The following ADGRE2 variants were observed in gnomAD, a reference collection of about 807,000 sequenced individuals.
ADGRE2 encodes adhesion G protein-coupled receptor E2.
In ADGRE2, 83 loss-of-function variants were observed where a neutral mutation model predicts 100.8. That is an observed-to-expected ratio of 0.82 (90% CI 0.69 to 0.99). The LOEUF (loss-of-function observed/expected upper bound fraction) is 0.99, where lower values mean the gene tolerates loss of function less well. Ranked by LOEUF, ADGRE2 falls within the 50% of genes least tolerant of loss-of-function variation. The pLI, the probability that ADGRE2 is intolerant of heterozygous loss-of-function variation, is 0.00. For synonymous variants in ADGRE2, 355 were observed against 413.0 expected, an observed-to-expected ratio of 0.86 and a Z score of 1.70; for missense variants, 814 against 1,035.7, an observed-to-expected ratio of 0.79 and a Z score of 2.94.
chr19:14,738,767 G>C (rs760131092), intron 20 of ADGRE2, among the ~76,000 whole-genome samples: 1 of 151,998 alleles, frequency 6.6e-6, no homozygotes, highest in African/African-American at 2.4e-5. Context: ...TCTATGGTTC[G>C]AGATGGTCAG....
intron 14 of ADGRE2, 55 bp downstream of exon 14, chr19:14,754,899 G>A: frequency 6.3e-7 from 1 of 1,579,062 alleles, no homozygotes; most frequent in Non-Finnish European, 8.7e-7. Flanking sequence ...CTACGTCTCT[G>A]GGGATTTGTT....
At chr19:14,736,719 TATATAGATATTTAGAA>T (rs1464516204) in intron 20 of ADGRE2, among the ~76,000 whole-genome samples, 29 of 142,704 alleles carry the variant, frequency 2.0e-4, no homozygotes, top group African/African-American at 5.7e-4. Flanking sequence ...TATTTAGAAA[TATATAGATATTTAGAA>T]ATATAGATAT....
intron 20 of ADGRE2, 124 bp downstream of exon 20, chr19:14,743,296 C>T (rs897064648): frequency 3.2e-5 from 24 of 758,758 alleles, no homozygotes; most frequent in Non-Finnish European, 5.4e-5. Flanking sequence ...TGAGTCAAGG[C>T]GTACTCAGAT....
In ADGRE2 at chr19:14,755,015, G is replaced by A. The variant is rs1195912695; in HGVS notation, c.1529C>T (p.Thr510Ile). ...CSTIGTRDTS[T>I]ICRCTHLSSF... Reference sequence around the variant, plus strand: ...GCTCAGGTGGGTGCAACGGCAGATGGTGCTGGTGTCTCTGGTGCCTATTGT... The same window carrying A: ...GCTCAGGTGGGTGCAACGGCAGATGATGCTGGTGTCTCTGGTGCCTATTGT... The change falls in exon 14 of 21, where the codon ACC becomes ATC. Residue 510 changes from threonine to isoleucine, a missense_variant. Thr to Ile is a moderately conservative substitution (Grantham distance 89, BLOSUM62 -1). Coordinates refer to ENST00000315576, the MANE Select transcript of ADGRE2 (RefSeq NM_013447.4). The A allele has an allele frequency of 1.2e-6, 2 of 1,614,022 alleles. No homozygotes were observed. Among genetic ancestry groups the A allele is most frequent in the East Asian group, 2.2e-5 (1 of 44,898 alleles).
Position 14,743,784 on chromosome 19 carries a change from C to A in ADGRE2, c.2184G>T (p.Arg728Ser). 1 of 1,613,750 alleles carries A rather than the reference C, an allele frequency of 6.2e-7. No homozygotes were observed. Among genetic ancestry groups the A allele is most frequent in the East Asian group, 2.2e-5 (1 of 44,894 alleles). ...GAGCTGTCGCTTTAAATGCCAGCATCCTGGATTGAGTAAGAAAGGAGGCTG... is the reference window on the plus strand; with the variant it reads ...GAGCTGTCGCTTTAAATGCCAGCATACTGGATTGAGTAAGAAAGGAGGCTG... ...NSEVSTLRNT[R>S]MLAFKATAQL... Residue 728 changes from arginine (R) to serine (S), a missense_variant and splice_region_variant, in exon 19 of 21, where the codon AGG becomes AGT. Around this residue, in one of 5 missense-constraint regions of ADGRE2, gnomAD observed 569 missense variants for 692.7 expected, o/e 0.82. Coordinates refer to ENST00000315576, the MANE Select transcript of ADGRE2 (RefSeq NM_013447.4).
At chr19:14,759,480 A>G (rs140824527) in intron 11 of ADGRE2, among the ~76,000 whole-genome samples, 28 of 110,422 alleles carry the variant, frequency 2.5e-4, no homozygotes, top group Admixed American at 1.3e-3. Context: ...CAAAAAGTAT[A>G]AGTTATACAT....
intron 4 of ADGRE2, among the ~76,000 whole-genome samples, chr19:14,773,499 T>G (rs1599885586): frequency 6.8e-6 from 1 of 146,604 alleles, no homozygotes; most frequent in South Asian, 2.3e-4. Context: ...CCACCACACC[T>G]GGCCTCTTTC....
intron 11 of ADGRE2, among the ~76,000 whole-genome samples, chr19:14,759,178 G>C (rs1389274967): frequency 6.6e-6 from 1 of 152,092 alleles, no homozygotes; most frequent in African/African-American, 2.4e-5. Context: ...AAAGATAAAG[G>C]AAGAGGGAGC....
chr19:14,776,495 G>A (rs1427172194), intron 2 of ADGRE2: 1 of 573,992 alleles, frequency 1.7e-6, no homozygotes, highest in Non-Finnish European at 3.1e-6. Context: ...GGATCCCTCC[G>A]GGCAGGGTAG....
intron 16 of ADGRE2, among the ~76,000 whole-genome samples, chr19:14,749,450 ATAGTTATGTAATATAAT>A (rs1489485519): frequency 3.5e-5 from 4 of 113,590 alleles, no homozygotes; most frequent in South Asian, 2.8e-4. Flanking sequence ...ATAATTATTT[ATAGTTATGTAATATAAT>A]TAGTTATGTA....
rs779173287 is a variant in ADGRE2, at chr19:14,755,741, G to A, written c.1329C>T (p.Ile443=). The change falls in exon 13 of 21, where the codon ATC becomes ATT. Residue 443 remains isoleucine, a synonymous_variant. Transcript: ENST00000315576. The stretch of plus-strand genomic sequence containing the variant: ...AGGCAGAGATCACATCTGAGAGCAG[G>A]ATGGGGGAGCCGTCCTGCAGCAAGC... ...HQGLLQDGSP[I]LLSDVISAFL... is the part of the protein sequence containing the mutation. 6 of 1,614,202 alleles carry A rather than the reference G, an allele frequency of 3.7e-6. No individual in the cohort carries two copies. The East Asian group carries it at 1.3e-4, about 36-fold the overall frequency.
downstream of ADGRE2, chr19:14,732,243 G>A (rs1193675170): frequency 6.6e-6 from 1 of 152,132 alleles, no homozygotes; most frequent in East Asian, 1.9e-4. Flanking sequence ...TTTCCCAACA[G>A]CATGTGCTCA....
intron 1 of ADGRE2, among the ~76,000 whole-genome samples, 156 bp downstream of exon 1, chr19:14,778,101 A>T (rs2044496481): frequency 6.6e-6 from 1 of 152,176 alleles, no homozygotes; most frequent in Admixed American, 6.5e-5. Flanking sequence ...ACTAATTTAC[A>T]TTCCCACCAA....
the ADGRE2 span, among the ~76,000 whole-genome samples, chr19:14,726,019 G>A: frequency 1.3e-5 from 2 of 152,140 alleles, no homozygotes; most frequent in Non-Finnish European, 2.9e-5. Context: ...TCTCCTTCCT[G>A]GGCACCGTGG....
chr19:14,758,007 CG>C (rs1395936793), intron 11 of ADGRE2, among the ~76,000 whole-genome samples: 3 of 152,164 alleles, frequency 2.0e-5, no homozygotes, highest in African/African-American at 7.2e-5. Context: ...GACAGGGTTT[CG>C]CCTTGTTGGC....
intron 5 of ADGRE2, among the ~76,000 whole-genome samples, chr19:14,770,678 T>TCTTC (rs1568623241): frequency 8.2e-6 from 1 of 121,340 alleles, no homozygotes; most frequent in Non-Finnish European, 1.7e-5. Flanking sequence ...TCTTTTTTTT[T>TCTTC]TTTTTTTTTT....
chr19:14,753,211 G>C (rs1175413279), intron 14 of ADGRE2, among the ~76,000 whole-genome samples: 1 of 151,998 alleles, frequency 6.6e-6, no homozygotes, highest in Non-Finnish European at 1.5e-5. Context: ...GTTTTGAAGG[G>C]AAAGTGAGAG....
chr19:14,739,837 A>T (rs896020928), intron 20 of ADGRE2, among the ~76,000 whole-genome samples: 1 of 152,198 alleles, frequency 6.6e-6, no homozygotes, highest in African/African-American at 2.4e-5. Context: ...GCAGTGGCTC[A>T]CGTCTGTAAT....
Position 14,735,855 on chromosome 19 carries a change from G to T in ADGRE2, c.*381C>A, listed in dbSNP as rs188461320. The T allele has an allele frequency of 1.9e-4, 33 of 173,036 alleles. No homozygotes were observed. Among genetic ancestry groups the T allele is most frequent in the African/African-American group, 7.1e-4 (30 of 42,334 alleles). 10.7% of individuals were successfully genotyped at this position (173,036 alleles called of 1,614,324 possible). ...GAACATTCTAGTCCTTTCAGATGTT[G>T]TCGGTATGAAAGTCCTCTTAGGCTC... On this transcript the variant is annotated 3_prime_UTR_variant, in exon 21 of 21. Transcript: ENST00000315576.
Sources: allele counts gnomAD v4.1 joint callset (sites outside exome capture counted in the v4.1 genomes callset), GRCh38; gene constraint gnomAD v4.1.1; regional missense constraint gnomAD v4.1.1; transcripts MANE v1.5; gene names NCBI Gene and HGNC (gene_info 2026-07-23, HGNC 2026-07-21).